Variants in SORCS3 observed in about 807,000 individuals in gnomAD.
SORCS3 encodes the protein sortilin related VPS10 domain containing receptor 3.
SORCS3 carries 57 observed loss-of-function variants against 146.3 expected under a neutral mutation model. That is an observed-to-expected ratio of 0.39 (90% confidence interval 0.31 to 0.49). The LOEUF (loss-of-function observed/expected upper bound fraction) is 0.49. Among genes scored for constraint, SORCS3 ranks in the 20% least tolerant of loss-of-function variants. The pLI is 0.92. For missense variants in SORCS3, 1,341 were observed against 1,575.5 expected (o/e 0.85, Z 2.52); for synonymous variants, 653 against 618.5 (o/e 1.06, Z -0.83).
intron 2 of SORCS3, among the ~76,000 whole-genome samples, chr10:104,868,674 G>A (rs759526051): frequency 1.3e-5 from 2 of 152,166 alleles, no homozygotes; most frequent in African/African-American, 2.4e-5. Flanking sequence ...TAGGAGATAA[G>A]GGCTTCCTTC....
At chr10:104,857,390 T>G (rs961684992) in intron 2 of SORCS3, among the ~76,000 whole-genome samples, 1 of 152,106 alleles carries the variant, frequency 6.6e-6, no homozygotes, top group African/African-American at 2.4e-5. Context: ...GCAAGGGTGA[T>G]TTAGTATGGG....
chr10:105,256,720 G>A, intron 24 of SORCS3, 99 bp from the exon 25 acceptor site: 2 of 840,696 alleles, frequency 2.4e-6, no homozygotes, highest in Non-Finnish European at 3.9e-6. Flanking sequence ...ACATAAGGAT[G>A]GAGATCAGTG....
At chr10:105,157,117 A>G in intron 9 of SORCS3, 21 bp from the exon 10 acceptor site, 1 of 1,613,222 alleles carries the variant, frequency 6.2e-7, no homozygotes, top group South Asian at 1.1e-5. Context: ...ATGGTTCTCC[A>G]TCTCTCACCT....
In SORCS3 at chr10:104,898,724, C is replaced by T. The variant is rs375862051; in HGVS notation, c.696-17109C>T. Among the ~76,000 whole-genome samples, 4 of 152,176 alleles carry T rather than the reference C, an allele frequency of 2.6e-5. No homozygotes were observed. The East Asian group carries it at 5.8e-4, about 22-fold the overall frequency. ...ATTTTTCTTCATGCTTATTCATTTT[C>T]GGACTCACCAATTCAATTGAGATTT... is the stretch of plus-strand genomic sequence containing the variant. On this transcript the variant is annotated intron_variant, in intron 2 of 26. Transcript: ENST00000369701.
chr10:105,046,125 G>T (rs570586420), intron 5 of SORCS3, among the ~76,000 whole-genome samples: 1 of 152,040 alleles, frequency 6.6e-6, no homozygotes, highest in Non-Finnish European at 1.5e-5. Context: ...GGTATTGAGG[G>T]TGGTTGGGGA....
intron 2 of SORCS3, among the ~76,000 whole-genome samples, chr10:104,897,877 A>G (rs1249878318): frequency 2.0e-5 from 3 of 152,184 alleles, no homozygotes; most frequent in Non-Finnish European, 2.9e-5. Flanking sequence ...GCCTTTGAGA[A>G]CACACATTCA....
At chr10:105,107,741 G>A (rs920960371) in intron 7 of SORCS3, among the ~76,000 whole-genome samples, 2 of 152,134 alleles carry the variant, frequency 1.3e-5, no homozygotes, top group Admixed American at 1.3e-4. Context: ...TTTAATTCTA[G>A]TGGAAGATAG....
chr10:104,842,750 C>CTTTT, intron 1 of SORCS3, 42 bp from the exon 2 acceptor site: 1 of 1,501,672 alleles, frequency 6.7e-7, no homozygotes, highest in Admixed American at 1.7e-5. Context: ...TTTTTCCCTC[C>CTTTT]CTTTGTTCCT....
intron 20 of SORCS3, among the ~76,000 whole-genome samples, chr10:105,223,452 A>C (rs889065492): frequency 6.6e-6 from 1 of 152,356 alleles, no homozygotes; most frequent in Non-Finnish European, 1.5e-5. Context: ...AATCCTAAGG[A>C]AGAAAGAGTA....
chr10:105,180,094 A>G (rs987614713), intron 14 of SORCS3, among the ~76,000 whole-genome samples: 2 of 152,216 alleles, frequency 1.3e-5, no homozygotes, highest in African/African-American at 4.8e-5. Flanking sequence ...CCTTGTTAGA[A>G]CTTAGGAGAT....
intron 4 of SORCS3, among the ~76,000 whole-genome samples, chr10:105,039,141 G>A (rs533040373): frequency 6.6e-6 from 1 of 152,150 alleles, no homozygotes; most frequent in Non-Finnish European, 1.5e-5. Context: ...GTGACTGAAT[G>A]AATAAGTGAT....
intron 1 of SORCS3, among the ~76,000 whole-genome samples, chr10:104,659,285 A>C (rs910570522): frequency 1.3e-5 from 2 of 152,228 alleles, no homozygotes; most frequent in Non-Finnish European, 2.9e-5. Flanking sequence ...TGGAAAGAAC[A>C]CATAATGACC....
intron 1 of SORCS3, among the ~76,000 whole-genome samples, chr10:104,747,496 TC>T (rs2016925100): frequency 6.6e-6 from 1 of 152,130 alleles, no homozygotes; most frequent in Non-Finnish European, 1.5e-5. Flanking sequence ...TACTGATACT[TC>T]CAATACGCTG....
rs191518828 is a variant in SORCS3 at position 104,867,812 on chromosome 10, T to C, written c.695+24953T>C. Among the ~76,000 whole-genome samples the C allele has an allele frequency of 3.9e-5, 6 of 152,306 alleles. No individual in the cohort carries two copies. In the East Asian group the frequency reaches 1.2e-3, roughly 29 times the overall value. The stretch of plus-strand genomic sequence containing the variant: ...CATCAGCTAAACAAGTGAGTGAAGA[T>C]AGTGTTTGCTGTGGCTCATTTCAAT... On this transcript the variant is annotated intron_variant, in intron 2 of 26. Coordinates refer to ENST00000369701, the MANE Select transcript of SORCS3 (RefSeq NM_014978.3).
intron 3 of SORCS3, among the ~76,000 whole-genome samples, chr10:104,955,875 GA>G (rs968530777): frequency 3.3e-5 from 5 of 152,254 alleles, no homozygotes; most frequent in African/African-American, 1.2e-4. Flanking sequence ...AAAAAGAGGA[GA>G]AAAAGTTCTT....
chr10:104,915,968 G>A, intron 3 of SORCS3, 36 bp downstream of exon 3: 1 of 1,500,278 alleles, frequency 6.7e-7, no homozygotes, highest in South Asian at 1.1e-5. Context: ...GAGCACTCCT[G>A]CTGGGTAGCT....
chr10:105,107,867 G>T (rs554147710), intron 7 of SORCS3, among the ~76,000 whole-genome samples: 5 of 152,126 alleles, frequency 3.3e-5, no homozygotes, highest in Non-Finnish European at 5.9e-5. Context: ...TGAAACTGTG[G>T]CATTCCACAC....
At chr10:104,943,438 A>G (rs1240531837) in intron 3 of SORCS3, among the ~76,000 whole-genome samples, 1 of 152,214 alleles carries the variant, frequency 6.6e-6, no homozygotes, top group Non-Finnish European at 1.5e-5. Context: ...ATGTAAAAAG[A>G]GTTCTATGTA....
At chr10:105,097,155 C>T (rs2133747170) in intron 6 of SORCS3, among the ~76,000 whole-genome samples, 1 of 152,324 alleles carries the variant, frequency 6.6e-6, no homozygotes, top group Non-Finnish European at 1.5e-5. Context: ...TCTAACCCAA[C>T]ATCAGCTGGT....
Sources: gnomAD v4.1 joint callset for allele counts (sites outside exome capture counted in the v4.1 genomes callset) on GRCh38, gnomAD v4.1.1 for gene constraint, MANE v1.5 for transcripts, NCBI Gene and HGNC (gene_info 2026-07-23, HGNC 2026-07-21) for gene names.